The following ADA2 variants were observed in gnomAD, a reference collection of about 807,000 sequenced individuals.
ADA2 encodes the protein adenosine deaminase 2.
Under a neutral mutation model 44.2 loss-of-function variants are expected in ADA2, and 29 were observed. The observed-to-expected ratio is 0.66, with a 90% CI of 0.49 to 0.89. ADA2 has a LOEUF of 0.89. Among genes scored for constraint, ADA2 ranks in the 40% least tolerant of loss-of-function variants. ADA2 has a pLI of 0.00. For missense variants in ADA2, 637 were observed against 644.8 expected, an observed-to-expected ratio of 0.99 and a Z score of 0.13; for synonymous variants, 215 against 234.9, an observed-to-expected ratio of 0.92 and a Z score of 0.77.
chr22:17,218,987 T>C (rs1374961571), intron 1 of ADA2, among the ~76,000 whole-genome samples: 1 of 152,052 alleles, frequency 6.6e-6, no homozygotes, highest in East Asian at 1.9e-4. Flanking sequence ...TGAAACCCCG[T>C]CTCTACTAAA....
chr22:17,190,579 C>T (rs755742747), intron 5 of ADA2, among the ~76,000 whole-genome samples: 4 of 152,000 alleles, frequency 2.6e-5, no homozygotes, highest in Non-Finnish European at 4.4e-5. Context: ...CCCCAAAACA[C>T]AGGGTCTGGC....
Position 17,191,782 on chromosome 22 carries a change from T to A in ADA2, c.782A>T (p.Asp261Val). The A allele has an allele frequency of 6.2e-7, 1 of 1,613,766 alleles. No individual in the cohort carries two copies. Among genetic ancestry groups the A allele is most frequent in the Non-Finnish European group, 8.5e-7 (1 of 1,179,920 alleles). ...GTAAGTCTTCACTGACCACTCTTCGTCATGGTGCTCTCCACTGAGCTCATA... is the reference window on the plus strand; with the variant it reads ...GTAAGTCTTCACTGACCACTCTTCGACATGGTGCTCTCCACTGAGCTCATA... The part of the protein sequence containing the change: ...PVYELSGEHH[D>V]EEWSVKTYQE... Residue 261 changes from aspartate to valine, a missense_variant, in exon 5 of 10, where the codon GAC becomes GTC. Asp to Val is a radical substitution (Grantham distance 152). Coordinates refer to ENST00000399837, the MANE Select transcript of ADA2 (RefSeq NM_001282225.2).
rs184167202 is a variant in ADA2 at position 17,214,293 on chromosome 22, G to A, written c.-46-4570C>T. 296 of 288,980 alleles carry A rather than the reference G, an allele frequency of 1.0e-3. 3 individuals carry two copies. The highest frequency in any genetic ancestry group is 6.2e-3 in the African/African-American group (275 of 44,402). 17.9% of individuals were successfully genotyped at this position (288,980 alleles called of 1,614,324 possible). On this transcript the variant is annotated intron_variant, in intron 1 of 9. Transcript: ENST00000399837. ...CATCTTCTGCTACAAACTGCTTTTCGAAGCTGTGTACCCTCATTCTGTAAC... is the reference window on the plus strand; with the variant it reads ...CATCTTCTGCTACAAACTGCTTTTCAAAGCTGTGTACCCTCATTCTGTAAC...
Position 17,211,425 on chromosome 22 carries a change from G to A in ADA2, c.-46-1702C>T, listed in dbSNP as rs554527410. 5.3e-5 allele frequency among the ~76,000 whole-genome samples: 8 copies of A among 152,114 alleles called. No homozygotes were observed. In the East Asian group the frequency reaches 1.5e-3, roughly 29 times the overall value. On this transcript the variant is annotated intron_variant, in intron 1 of 9. Transcript: ENST00000399837. Reference sequence around the variant, plus strand: ...CAGCAGGTGGATTGCTCAAGCCCAGGAATTCAAGACCATTCTCAGCAACAT... The same window carrying A: ...CAGCAGGTGGATTGCTCAAGCCCAGAAATTCAAGACCATTCTCAGCAACAT...
At chr22:17,182,909 A>G in intron 7 of ADA2, 148 bp from the exon 8 acceptor site, 1 of 695,224 alleles carries the variant, frequency 1.4e-6, no homozygotes, top group Non-Finnish European at 2.4e-6. Flanking sequence ...CATTAACACA[A>G]ATACACACAC....
At chr22:17,209,800 T>A (rs1474662479) in intron 1 of ADA2, 77 bp from the exon 2 acceptor site, 1 of 746,794 alleles carries the variant, frequency 1.3e-6, no homozygotes. Context: ...CGCCCTGCTC[T>A]CAGATTACCA....
chr22:17,192,468 A>AG (rs2062130694), intron 4 of ADA2, among the ~76,000 whole-genome samples: 1 of 152,128 alleles, frequency 6.6e-6, no homozygotes. Flanking sequence ...AGGGACAGCA[A>AG]GGGGGACACA....
In ADA2 at chr22:17,191,818, GAA is replaced by G; in HGVS notation, c.754-10_754-9del. On this transcript the variant is annotated splice_polypyrimidine_tract_variant and intron_variant, in intron 4 of 9. Coordinates refer to ENST00000399837, the MANE Select transcript of ADA2 (RefSeq NM_001282225.2). Reference sequence around the variant, plus strand: ...TCCACTGAGCTCATACACCTGGGAAGAAAGCACAACCAGGAGCCGTCAGGTGA... The same window carrying G: ...TCCACTGAGCTCATACACCTGGGAAGAGCACAACCAGGAGCCGTCAGGTGA... 6.2e-7 allele frequency: 1 copy of G among 1,610,456 alleles called. No individual in the cohort carries two copies.
intron 1 of ADA2, 191 bp from the exon 2 acceptor site, chr22:17,209,914 G>A (rs552905852): frequency 2.9e-5 from 14 of 485,234 alleles, no homozygotes; most frequent in South Asian, 1.7e-4. Context: ...TTTTTGAGAC[G>A]GAGTCTCGCT....
intron 7 of ADA2, among the ~76,000 whole-genome samples, chr22:17,183,373 G>A (rs2061995269): frequency 6.6e-6 from 1 of 151,252 alleles, no homozygotes; most frequent in Non-Finnish European, 1.5e-5. Context: ...GTGAGCCGCC[G>A]CACCTGGCCT....
At chr22:17,187,665 T>C (rs12166593) in intron 7 of ADA2, among the ~76,000 whole-genome samples, 1 of 136,824 alleles carries the variant, frequency 7.3e-6, no homozygotes, top group Non-Finnish European at 1.6e-5. Flanking sequence ...CACGAAAAAT[T>C]AAAAAAAAAA....
chr22:17,197,843 A>C (rs2062212204), intron 4 of ADA2, among the ~76,000 whole-genome samples: 1 of 152,172 alleles, frequency 6.6e-6, no homozygotes. Flanking sequence ...ATTCGAGACC[A>C]GCCTGACCAA....
At chr22:17,182,178 A>G (rs528675370) in intron 8 of ADA2, among the ~76,000 whole-genome samples, 156 bp from the exon 9 acceptor site, 73 of 152,328 alleles carry the variant, frequency 4.8e-4, no homozygotes, top group African/African-American at 1.7e-3. Flanking sequence ...ACAAGGAGAC[A>G]TAAGGAACAG....
intron 7 of ADA2, among the ~76,000 whole-genome samples, chr22:17,187,426 C>T (rs540230132): frequency 6.6e-6 from 1 of 152,040 alleles, no homozygotes; most frequent in South Asian, 2.1e-4. Flanking sequence ...GTAGGTGGGA[C>T]CACAGGTGTG....
intron 8 of ADA2, 40 bp from the exon 9 acceptor site, chr22:17,182,062 C>A: frequency 1.3e-6 from 2 of 1,528,190 alleles, no homozygotes; most frequent in Non-Finnish European, 1.8e-6. Flanking sequence ...GAACTCTGAT[C>A]CCTAAAAAGA....
intron 6 of ADA2, chr22:17,189,736 T>G (rs1421222726): frequency 1.9e-6 from 1 of 530,868 alleles, no homozygotes; most frequent in Admixed American, 3.3e-5. Context: ...CCTTCTCCAG[T>G]GACAGCCGTC....
At position 17,188,321 on chromosome 22, in the gene ADA2, C is replaced by A; in HGVS notation, c.1081+18G>T. On this transcript the variant is annotated intron_variant, in intron 7 of 9. Coordinates refer to ENST00000399837, the MANE Select transcript of ADA2 (RefSeq NM_001282225.2). ...ATTGACCACCTCCGCTGCCTCTGCT[C>A]GCATCCCGCAGGCTCACCTGTTTCT... 6.3e-7 allele frequency: 1 copy of A among 1,590,886 alleles called. No homozygotes were observed.
At chr22:17,206,272 C>A (rs1424930646) in intron 3 of ADA2, among the ~76,000 whole-genome samples, 1 of 152,100 alleles carries the variant, frequency 6.6e-6, no homozygotes, top group African/African-American at 2.4e-5. Context: ...GCCTGGCCAA[C>A]ATGGTGAAAC....
chr22:17,203,863 C>T (rs2062322098), intron 3 of ADA2, 90 bp from the exon 4 acceptor site: 3 of 779,252 alleles, frequency 3.8e-6, no homozygotes, highest in Non-Finnish European at 6.6e-6. Context: ...CCTTGCATAT[C>T]CCAGCTAGCA....
Sources: gnomAD v4.1 joint callset for allele counts (sites outside exome capture counted in the v4.1 genomes callset) on GRCh38, gnomAD v4.1.1 for gene constraint, MANE v1.5 for transcripts, NCBI Gene and HGNC (gene_info 2026-07-23, HGNC 2026-07-21) for gene names.